Variants in DNER observed in about 807,000 individuals in gnomAD.
DNER encodes delta and Notch-like epidermal growth factor-related receptor.
In DNER, 33 loss-of-function variants were observed where a neutral mutation model predicts 78.2. That is an observed-to-expected ratio of 0.42 (90% CI 0.32 to 0.56). DNER has a LOEUF of 0.56. Ranked by LOEUF, DNER falls within the 20% of genes least tolerant of loss-of-function variation. DNER has a pLI of 0.11. For missense variants in DNER, 918 were observed against 975.3 expected (o/e 0.94, Z 0.78); for synonymous variants, 417 against 384.8 (o/e 1.08, Z -0.98).
intron 6 of DNER, among the ~76,000 whole-genome samples, chr2:229,504,204 C>T (rs1243482832): frequency 1.3e-5 from 2 of 152,056 alleles, no homozygotes; most frequent in Non-Finnish European, 2.9e-5. Flanking sequence ...TTGTAATATC[C>T]TTTATTTACT....
chr2:229,570,154 C>G (rs145203394), intron 4 of DNER, among the ~76,000 whole-genome samples: 75 of 152,274 alleles, frequency 4.9e-4, no homozygotes, highest in Non-Finnish European at 6.8e-4. Flanking sequence ...TTCCTCCTGA[C>G]TATTTACCAG....
intron 1 of DNER, among the ~76,000 whole-genome samples, chr2:229,703,922 GAAA>G (rs3085663): frequency 9.7e-5 from 14 of 143,724 alleles, no homozygotes; most frequent in Admixed American, 2.1e-4. Flanking sequence ...GAGAGAAAAA[GAAA>G]AAAAAAAAAA....
At chr2:229,674,036 T>A (rs567295440) in intron 1 of DNER, among the ~76,000 whole-genome samples, 3 of 152,186 alleles carry the variant, frequency 2.0e-5, no homozygotes, top group Non-Finnish European at 4.4e-5. Context: ...TCCATTCTTG[T>A]CCTTGAACAC....
chr2:229,676,707 G>A (rs1005834314), intron 1 of DNER, among the ~76,000 whole-genome samples: 11 of 152,150 alleles, frequency 7.2e-5, no homozygotes, highest in Non-Finnish European at 1.3e-4. Flanking sequence ...CTCTGGAAAT[G>A]GCTAGGGGCA....
intron 4 of DNER, among the ~76,000 whole-genome samples, chr2:229,580,889 A>T (rs945573562): frequency 6.6e-6 from 1 of 152,100 alleles, no homozygotes; most frequent in East Asian, 1.9e-4. Flanking sequence ...TTAACTGGCC[A>T]TTTTCTACAT....
intron 1 of DNER, among the ~76,000 whole-genome samples, chr2:229,676,167 A>G (rs1699297854): frequency 6.6e-6 from 1 of 152,216 alleles, no homozygotes; most frequent in Non-Finnish European, 1.5e-5. Context: ...AATACTCTAA[A>G]GAACAAGGCA....
At chr2:229,691,148 T>C (rs1215503225) in intron 1 of DNER, among the ~76,000 whole-genome samples, 3 of 152,142 alleles carry the variant, frequency 2.0e-5, no homozygotes, top group African/African-American at 7.2e-5. Context: ...GAAAGCTTTT[T>C]CTCAAGGAGT....
At chr2:229,465,230 C>A (rs1425198927) in intron 7 of DNER, among the ~76,000 whole-genome samples, 1 of 152,128 alleles carries the variant, frequency 6.6e-6, no homozygotes, top group Non-Finnish European at 1.5e-5. Context: ...TACATATACA[C>A]CATGGAATAC....
chr2:229,523,465 C>T (rs1222517540), intron 5 of DNER, among the ~76,000 whole-genome samples: 2 of 152,296 alleles, frequency 1.3e-5, no homozygotes, highest in East Asian at 3.9e-4. Flanking sequence ...TGTCTTCACA[C>T]AGTCTTTACT....
At chr2:229,639,942 C>T (rs146438001) in intron 1 of DNER, among the ~76,000 whole-genome samples, 250 of 152,310 alleles carry the variant, frequency 1.6e-3, no homozygotes, top group African/African-American at 5.8e-3. Flanking sequence ...AGGGACAACC[C>T]TCCATTTGAA....
At chr2:229,694,344 ACTGGG>A (rs1374445970) in intron 1 of DNER, among the ~76,000 whole-genome samples, 2 of 152,238 alleles carry the variant, frequency 1.3e-5, no homozygotes, top group Admixed American at 6.5e-5. Context: ...CAGAGTCCCC[ACTGGG>A]GAGCTGCCTA....
intron 1 of DNER, among the ~76,000 whole-genome samples, chr2:229,601,008 G>A (rs749309501): frequency 3.3e-5 from 5 of 152,202 alleles, no homozygotes; most frequent in Non-Finnish European, 5.9e-5. Flanking sequence ...TGATATGGGA[G>A]AGAAAGACTG....
chr2:229,455,512 T>C (rs573114047), intron 7 of DNER, among the ~76,000 whole-genome samples: 1 of 152,178 alleles, frequency 6.6e-6, no homozygotes, highest in African/African-American at 2.4e-5. Context: ...ATTTTCACAT[T>C]TGTATGAATC....
chr2:229,444,315 C>T (rs1454383323), intron 8 of DNER, among the ~76,000 whole-genome samples: 2 of 152,212 alleles, frequency 1.3e-5, no homozygotes, highest in African/African-American at 4.8e-5. Context: ...TCATTTCATG[C>T]TCTGACATAT....
intron 1 of DNER, among the ~76,000 whole-genome samples, chr2:229,675,232 G>C (rs150275682): frequency 1.8e-3 from 281 of 152,300 alleles, no homozygotes; most frequent in Non-Finnish European, 3.5e-3. Flanking sequence ...AAGGGGCCGC[G>C]TTGGTTTCAC....
chr2:229,458,332 C>G (rs1694622236), intron 7 of DNER, among the ~76,000 whole-genome samples: 1 of 151,324 alleles, frequency 6.6e-6, no homozygotes, highest in South Asian at 2.1e-4. Flanking sequence ...TTTAACAATC[C>G]CAAATATGTA....
intron 11 of DNER, among the ~76,000 whole-genome samples, chr2:229,372,374 AG>A (rs1692503894): frequency 6.6e-6 from 1 of 152,240 alleles, no homozygotes; most frequent in South Asian, 2.1e-4. Flanking sequence ...TTACGGAGTT[AG>A]GTTATGAGTG....
At chr2:229,552,946 C>G (rs1404418838) in intron 4 of DNER, among the ~76,000 whole-genome samples, 1 of 152,104 alleles carries the variant, frequency 6.6e-6, no homozygotes, top group Non-Finnish European at 1.5e-5. Flanking sequence ...GACAAGGCCA[C>G]CTGGATGAAA....
At chr2:229,594,931 G>T (rs1697679201) in intron 1 of DNER, among the ~76,000 whole-genome samples, 2 of 122,524 alleles carry the variant, frequency 1.6e-5, no homozygotes, top group South Asian at 2.9e-4. Flanking sequence ...ACTGTACCAG[G>T]TCTCGGTATA....
Sources: gnomAD v4.1 joint callset for allele counts (sites outside exome capture counted in the v4.1 genomes callset) on GRCh38, gnomAD v4.1.1 for gene constraint, MANE v1.5 for transcripts, NCBI Gene and HGNC (gene_info 2026-07-23, HGNC 2026-07-21) for gene names.